SLC16A7: variants seen among roughly 807,000 people sequenced by gnomAD.
SLC16A7 encodes the protein monocarboxylate transporter 2.
SLC16A7 carries 33 observed loss-of-function variants against 34.9 expected under a neutral mutation model. The observed-to-expected ratio is 0.94, with a 90% CI of 0.72 to 1.26. SLC16A7 has a LOEUF of 1.26. SLC16A7 is among the 50% of genes most tolerant of loss of function. The pLI is 0.00. For synonymous variants in SLC16A7, 201 were observed against 206.6 expected (o/e 0.97, Z 0.23); for missense variants, 573 against 578.1 (o/e 0.99, Z 0.09).
intron 1 of SLC16A7, among the ~76,000 whole-genome samples, chr12:59,608,025 A>G (rs1879022927): frequency 6.6e-6 from 1 of 152,196 alleles, no homozygotes; most frequent in African/African-American, 2.4e-5. Context: ...ATTCTTTTCT[A>G]TTCAAAGCAT....
At chr12:59,774,495 ATTG>A (rs971084133) in intron 4 of SLC16A7, among the ~76,000 whole-genome samples, 159 bp from the exon 5 acceptor site, 3 of 152,136 alleles carry the variant, frequency 2.0e-5, no homozygotes, top group Non-Finnish European at 4.4e-5. Flanking sequence ...TGAAAACCTT[ATTG>A]TTTTGTGCAA....
chr12:59,643,667 A>G (rs557877772), intron 1 of SLC16A7, among the ~76,000 whole-genome samples: 1 of 152,314 alleles, frequency 6.6e-6, no homozygotes, highest in South Asian at 2.1e-4. Flanking sequence ...TTTACAATAT[A>G]GCTTACTGTA....
At chr12:59,763,566 A>C (rs1048107578) in intron 3 of SLC16A7, among the ~76,000 whole-genome samples, 4 of 152,164 alleles carry the variant, frequency 2.6e-5, no homozygotes, top group African/African-American at 7.2e-5. Context: ...GAAAATAACT[A>C]TACTGCCTTT....
chr12:59,765,948 A>G (rs1881574313), intron 3 of SLC16A7, among the ~76,000 whole-genome samples: 1 of 152,102 alleles, frequency 6.6e-6, no homozygotes, highest in Non-Finnish European at 1.5e-5. Context: ...CATGATATTG[A>G]TTCTTCCTAC....
Position 59,704,816 on chromosome 12 carries a change from A to G in SLC16A7, c.15A>G (p.Pro5=), listed in dbSNP as rs772643594. Reference sequence around the variant, plus strand: ...GAGGAGCAGAAATGCCACCAATGCCAAGTGCCCCACCTGTGCATCCACCTC... The same window carrying G: ...GAGGAGCAGAAATGCCACCAATGCCGAGTGCCCCACCTGTGCATCCACCTC... MPPM[P]SAPPVHPPPD... is the part of the protein sequence containing the mutation. The change falls in exon 3 of 6, where the codon CCA becomes CCG. Residue 5 remains proline, a synonymous_variant. Transcript: ENST00000547379. The G allele has an allele frequency of 1.2e-6, 2 of 1,613,230 alleles. No homozygotes were observed. Among genetic ancestry groups the G allele is most frequent in the Non-Finnish European group, 1.7e-6 (2 of 1,179,432 alleles).
intron 1 of SLC16A7, among the ~76,000 whole-genome samples, chr12:59,639,807 A>G (rs1397220508): frequency 2.0e-5 from 3 of 152,170 alleles, no homozygotes; most frequent in African/African-American, 7.2e-5. Flanking sequence ...ATTTAACTCA[A>G]TTCTTATGCT....
At chr12:59,666,194 G>T (rs903087049) in intron 2 of SLC16A7, among the ~76,000 whole-genome samples, 1 of 152,060 alleles carries the variant, frequency 6.6e-6, no homozygotes, top group African/African-American at 2.4e-5. Flanking sequence ...CTGAAAAGTC[G>T]AGTTGATGGT....
At chr12:59,771,634 T>C (rs1334512489) in intron 4 of SLC16A7, among the ~76,000 whole-genome samples, 1 of 152,184 alleles carries the variant, frequency 6.6e-6, no homozygotes, top group Non-Finnish European at 1.5e-5. Context: ...TTTCCTTTTT[T>C]GCTTTTTTCT....
At chr12:59,761,352 G>C in intron 3 of SLC16A7, 1 of 303,798 alleles carries the variant, frequency 3.3e-6, no homozygotes, top group Non-Finnish European at 6.4e-6. Flanking sequence ...TACTACTTAA[G>C]TTACATAAAT....
chr12:59,635,949 A>G (rs1880401527), intron 1 of SLC16A7, among the ~76,000 whole-genome samples: 2 of 151,822 alleles, frequency 1.3e-5, no homozygotes, highest in East Asian at 1.9e-4. Flanking sequence ...GTTTTAGTAC[A>G]TATTTAAATA....
rs1271310955 is a variant in SLC16A7, at chr12:59,596,902, G to A, written c.-130+666G>A. Among the ~76,000 whole-genome samples the A allele has an allele frequency of 6.6e-6, 1 of 152,170 alleles. No homozygotes were observed. Among genetic ancestry groups the A allele is most frequent in the Non-Finnish European group, 1.5e-5 (1 of 68,044 alleles). ...GGAAAACTATATGCGGGCGAGGCCT[G>A]AGCCCAGGCAGAAAGGGACCTCTGA... On this transcript the variant is annotated intron_variant, in intron 1 of 5. Transcript: ENST00000547379. This position sits in a 1 kb window ranked among gnomAD's most constrained non-coding sequence, Gnocchi z 5.0.
chr12:59,732,951 TA>T (rs901939569), intron 3 of SLC16A7, among the ~76,000 whole-genome samples: 14 of 151,862 alleles, frequency 9.2e-5, no homozygotes, highest in African/African-American at 2.7e-4. Context: ...TATGTGGGGG[TA>T]AAAAAAATCC....
chr12:59,667,142 C>T (rs1869273353), intron 2 of SLC16A7, among the ~76,000 whole-genome samples: 1 of 152,150 alleles, frequency 6.6e-6, no homozygotes, highest in South Asian at 2.1e-4. Context: ...ATGAGAATAT[C>T]ATGGGAAAGA....
intron 2 of SLC16A7, among the ~76,000 whole-genome samples, chr12:59,669,698 C>T (rs995026169): frequency 2.0e-4 from 20 of 101,936 alleles, no homozygotes; most frequent in Admixed American, 1.7e-3. Flanking sequence ...TTTATCTAAA[C>T]GGGAGAGAAA....
chr12:59,636,707 A>G (rs748213691), intron 1 of SLC16A7, among the ~76,000 whole-genome samples: 3 of 152,126 alleles, frequency 2.0e-5, no homozygotes, highest in Non-Finnish European at 4.4e-5. Flanking sequence ...ATTCAGCTGG[A>G]GAGACAATAA....
chr12:59,765,315 G>C (rs1881481079), intron 3 of SLC16A7, among the ~76,000 whole-genome samples: 1 of 152,094 alleles, frequency 6.6e-6, no homozygotes, highest in Admixed American at 6.5e-5. Flanking sequence ...TTGTTTTGCT[G>C]TGCAGAAGCT....
chr12:59,671,382 A>G (rs1869671546), intron 2 of SLC16A7, among the ~76,000 whole-genome samples: 1 of 152,102 alleles, frequency 6.6e-6, no homozygotes, highest in Non-Finnish European at 1.5e-5. Flanking sequence ...CTATTGATAT[A>G]CATTCCTCTA....
chr12:59,779,947 A>AATTG lies in SLC16A7; in HGVS notation c.*271_*272insGATT, dbSNP rs1028039308. The AATTG allele has an allele frequency of 6.8e-6, 2 of 293,142 alleles. No individual in the cohort carries two copies. Among genetic ancestry groups the AATTG allele is most frequent in the African/African-American group, 4.4e-5 (2 of 45,196 alleles). 18.2% of individuals were successfully genotyped at this position (293,142 alleles called of 1,614,324 possible). On this transcript the variant is annotated 3_prime_UTR_variant, in exon 6 of 6. Coordinates refer to ENST00000547379, the MANE Select transcript of SLC16A7 (RefSeq NM_001270623.2). Reference sequence around the variant, plus strand: ...CTCTGGGTGTGGTGGTTAAAATACTAATTTTAAAGTCTTCCAGTGACTTTC... The same window carrying AATTG: ...CTCTGGGTGTGGTGGTTAAAATACTAATTGATTTTAAAGTCTTCCAGTGACTTTC...
chr12:59,760,983 C>T (rs1407612253), intron 3 of SLC16A7: 1 of 331,858 alleles, frequency 3.0e-6, no homozygotes, highest in Non-Finnish European at 5.9e-6. Context: ...TAACATTGTG[C>T]ATGGATTCTT....
Sources: gnomAD v4.1 joint callset for allele counts (sites outside exome capture counted in the v4.1 genomes callset) on GRCh38, gnomAD v4.1.1 for gene constraint, Gnocchi (gnomAD v3.1) non-coding constraint, MANE v1.5 for transcripts, NCBI Gene and HGNC (gene_info 2026-07-23, HGNC 2026-07-21) for gene names.